PHLDB2: variants seen among roughly 807,000 people sequenced by gnomAD.
The protein encoded by PHLDB2 is pleckstrin homology like domain family B member 2.
Under a neutral mutation model 123.6 loss-of-function variants are expected in PHLDB2, and 71 were observed. The observed-to-expected ratio is 0.57, with a 90% confidence interval of 0.47 to 0.70. The LOEUF (loss-of-function observed/expected upper bound fraction) is 0.70, where lower values mean the gene tolerates loss of function less well. PHLDB2 is among the 30% of genes least tolerant of loss of function. PHLDB2 has a pLI of 0.00. For synonymous variants in PHLDB2, 547 were observed against 541.6 expected, an observed-to-expected ratio of 1.01 and a Z score of -0.14; for missense variants, 1,446 against 1,519.5, an observed-to-expected ratio of 0.95 and a Z score of 0.80.
At chr3:111,824,862 C>G (rs886744787) in intron 1 of PHLDB2, among the ~76,000 whole-genome samples, 7 of 152,164 alleles carry the variant, frequency 4.6e-5, no homozygotes, top group African/African-American at 1.7e-4. Flanking sequence ...CTGATAATTG[C>G]CTTTTTTAGT....
intron 1 of PHLDB2, among the ~76,000 whole-genome samples, chr3:111,758,392 A>C (rs6438009): frequency 6.6e-6 from 1 of 151,938 alleles, no homozygotes; most frequent in South Asian, 2.1e-4. Context: ...CTCTGTGGGC[A>C]TAGGACCCTC....
At chr3:111,836,280 C>T (rs1299683476) in intron 1 of PHLDB2, among the ~76,000 whole-genome samples, 1 of 152,164 alleles carries the variant, frequency 6.6e-6, no homozygotes, top group Non-Finnish European at 1.5e-5. Context: ...AAGCCCTGTT[C>T]ACCTTTAAGT....
At chr3:111,859,944 G>T in intron 1 of PHLDB2, 1 of 982,610 alleles carries the variant, frequency 1.0e-6, no homozygotes, top group Non-Finnish European at 1.2e-6. Flanking sequence ...AAAAGCCCGG[G>T]CTGGGGTCGG....
intron 1 of PHLDB2, among the ~76,000 whole-genome samples, chr3:111,867,980 C>G (rs1490399060): frequency 6.6e-6 from 1 of 151,734 alleles, no homozygotes; most frequent in African/African-American, 2.4e-5. Flanking sequence ...GAATTACAGG[C>G]CTGAGCTACT....
At chr3:111,861,582 G>A (rs2064838075) in intron 1 of PHLDB2, among the ~76,000 whole-genome samples, 1 of 152,158 alleles carries the variant, frequency 6.6e-6, no homozygotes, top group Non-Finnish European at 1.5e-5. Flanking sequence ...TCTGTTTTAT[G>A]CAGCTGGCAG....
At chr3:111,773,527 C>G (rs2060214010) in intron 1 of PHLDB2, among the ~76,000 whole-genome samples, 1 of 152,300 alleles carries the variant, frequency 6.6e-6, no homozygotes, top group Non-Finnish European at 1.5e-5. Flanking sequence ...TTTCCACGAT[C>G]TTATGCTCTC....
At chr3:111,852,092 T>G (rs1170040352) in intron 2 of PHLDB2, among the ~76,000 whole-genome samples, 1 of 152,066 alleles carries the variant, frequency 6.6e-6, no homozygotes, top group East Asian at 1.9e-4. Context: ...AGTTATATGC[T>G]AGGCAGTATA....
At chr3:111,825,904 T>C (rs1172719701) in intron 1 of PHLDB2, among the ~76,000 whole-genome samples, 4 of 152,204 alleles carry the variant, frequency 2.6e-5, no homozygotes, top group African/African-American at 9.6e-5. Flanking sequence ...GTTCTGTGGT[T>C]ATTTTAAGAA....
At chr3:111,829,476 T>A (rs2062830888) in intron 1 of PHLDB2, among the ~76,000 whole-genome samples, 1 of 149,204 alleles carries the variant, frequency 6.7e-6, no homozygotes, top group Admixed American at 6.7e-5. Context: ...TTGGTTTTTT[T>A]TTTTTTTTGA....
chr3:111,799,141 C>T (rs569020067), intron 1 of PHLDB2, among the ~76,000 whole-genome samples: 7 of 152,292 alleles, frequency 4.6e-5, no homozygotes, highest in East Asian at 3.9e-4. Context: ...AAACCACCCC[C>T]GTGATTCCAT....
At chr3:111,765,286 C>G (rs2060060670) in intron 1 of PHLDB2, among the ~76,000 whole-genome samples, 2 of 152,184 alleles carry the variant, frequency 1.3e-5, no homozygotes, top group Admixed American at 6.5e-5. Flanking sequence ...ATGGATGGAC[C>G]CAAACACCAA....
chr3:111,924,470 G>A (rs2068703336), intron 5 of PHLDB2, among the ~76,000 whole-genome samples: 2 of 152,180 alleles, frequency 1.3e-5, no homozygotes, highest in South Asian at 4.1e-4. Flanking sequence ...GCAAAACACT[G>A]AGCCAAACAC....
intron 1 of PHLDB2, among the ~76,000 whole-genome samples, chr3:111,840,250 C>CA (rs1182962365): frequency 1.3e-5 from 2 of 150,574 alleles, no homozygotes; most frequent in South Asian, 2.1e-4. Context: ...ACCCTGTCTC[C>CA]AAAAAAAATT....
upstream of PHLDB2, among the ~76,000 whole-genome samples, chr3:111,857,441 G>A (rs2108631933): frequency 8.5e-6 from 1 of 117,130 alleles, no homozygotes; most frequent in East Asian, 2.5e-4. Flanking sequence ...ACAAAGTGAG[G>A]CCCTGTCTCA....
chr3:111,808,188 G>C (rs2061679428), intron 1 of PHLDB2, among the ~76,000 whole-genome samples: 1 of 152,060 alleles, frequency 6.6e-6, no homozygotes, highest in African/African-American at 2.4e-5. Flanking sequence ...GATTCTCTGG[G>C]TCTTAGGGAA....
At chr3:111,795,918 T>C (rs1414001676) in intron 1 of PHLDB2, among the ~76,000 whole-genome samples, 1 of 151,928 alleles carries the variant, frequency 6.6e-6, no homozygotes, top group African/African-American at 2.4e-5. Flanking sequence ...GTTTATTTGT[T>C]TTGAGTCTCA....
intron 5 of PHLDB2, among the ~76,000 whole-genome samples, chr3:111,920,629 T>G (rs1236815718): frequency 1.3e-5 from 2 of 152,170 alleles, no homozygotes; most frequent in Non-Finnish European, 2.9e-5. Flanking sequence ...AGAGCAGAGT[T>G]CATATAATTT....
At chr3:111,955,303 T>C (rs1280867863) in intron 12 of PHLDB2, among the ~76,000 whole-genome samples, 2 of 152,082 alleles carry the variant, frequency 1.3e-5, no homozygotes, top group Non-Finnish European at 2.9e-5. Flanking sequence ...AACTATTTTA[T>C]TTTCTTTGCC....
chr3:111,790,560 T>A (rs986221125), intron 1 of PHLDB2, among the ~76,000 whole-genome samples: 1 of 152,182 alleles, frequency 6.6e-6, no homozygotes, highest in Non-Finnish European at 1.5e-5. Flanking sequence ...TGAACTGACA[T>A]GTGTTTGTGG....
Sources: allele counts gnomAD v4.1 joint callset (sites outside exome capture counted in the v4.1 genomes callset), GRCh38; gene constraint gnomAD v4.1.1; transcripts MANE v1.5; gene names NCBI Gene and HGNC (gene_info 2026-07-23, HGNC 2026-07-21).